The following KDSR variants were observed in gnomAD, a reference collection of about 807,000 sequenced individuals.
KDSR encodes the protein 3-dehydrosphinganine reductase.
A neutral mutation model predicts 41.3 loss-of-function variants in KDSR; 23 were observed. The ratio of observed to expected loss-of-function variants is 0.56; its 90% confidence interval spans 0.40 to 0.79. The LOEUF is 0.79. KDSR is among the 30% of genes least tolerant of loss of function. KDSR has a pLI of 0.00. For synonymous variants in KDSR, 138 were observed against 151.7 expected (o/e 0.91, Z 0.66); for missense variants, 351 against 416.8 (o/e 0.84, Z 1.37).
In KDSR at chr18:63,331,912, A is replaced by G; in HGVS notation, c.880-11T>C. On this transcript the variant is annotated splice_polypyrimidine_tract_variant and intron_variant, in intron 9 of 9. Coordinates refer to ENST00000645214, the MANE Select transcript of KDSR (RefSeq NM_002035.4). The stretch of plus-strand genomic sequence containing the variant: ...GCCCATGGTGACCACCTGCAAGATA[A>G]AGAGAGAGCTTTTAGTGCATCCAAC... 6.2e-7 allele frequency: 1 copy of G among 1,612,694 alleles called. No homozygotes were observed. The highest frequency in any genetic ancestry group is 1.1e-5 in the South Asian group (1 of 90,698).
At chr18:63,359,353 GATT>G (rs1299229408) in intron 3 of KDSR, among the ~76,000 whole-genome samples, 1 of 151,894 alleles carries the variant, frequency 6.6e-6, no homozygotes, top group Non-Finnish European at 1.5e-5. Context: ...ATGGGTGTGT[GATT>G]ATTAATTTGC....
chr18:63,342,119 A>G (rs1914356911), intron 7 of KDSR, among the ~76,000 whole-genome samples: 1 of 151,622 alleles, frequency 6.6e-6, no homozygotes, highest in Non-Finnish European at 1.5e-5. Flanking sequence ...CAGTGAGCCA[A>G]CATTGCACCA....
At position 63,331,318 on chromosome 18, in the gene KDSR, CAGAGAGACAG is replaced by C. The variant is rs755718507; in HGVS notation, c.*454_*463del. 348 of 212,318 alleles carry C rather than the reference CAGAGAGACAG, an allele frequency of 1.6e-3. No homozygotes were observed. Among genetic ancestry groups the C allele is most frequent in the Middle Eastern group, 4.2e-3 (3 of 710 alleles). The allele number at this position is 212,318 out of a possible 1,614,324, so 13.2% of individuals were successfully genotyped here. On this transcript the variant is annotated 3_prime_UTR_variant, in exon 10 of 10. Transcript: ENST00000645214. The stretch of plus-strand genomic sequence containing the variant: ...ACAGAGAGACAGAGAGACAGAGAGA[CAGAGAGACAG>C]AGAGAGAGAGAGAGAGAACCCGAGA...
At chr18:63,340,027 C>T (rs1423105656) in intron 7 of KDSR, among the ~76,000 whole-genome samples, 1 of 152,212 alleles carries the variant, frequency 6.6e-6, no homozygotes, top group Non-Finnish European at 1.5e-5. Context: ...TCCAGACCCC[C>T]AGGCTGGCAT....
intron 9 of KDSR, among the ~76,000 whole-genome samples, chr18:63,332,613 C>T (rs1469827119): frequency 1.3e-5 from 2 of 152,022 alleles, no homozygotes; most frequent in South Asian, 2.1e-4. Context: ...GGGTGGATCA[C>T]GAGGTCAGGA....
intron 1 of KDSR, among the ~76,000 whole-genome samples, chr18:63,363,610 C>T (rs1482571332): frequency 6.6e-6 from 1 of 151,620 alleles, no homozygotes; most frequent in East Asian, 1.9e-4. Context: ...TTTTCTTAAT[C>T]CAGTCTATCA....
chr18:63,361,346 C>G (rs1370134219), intron 2 of KDSR, among the ~76,000 whole-genome samples: 1 of 151,584 alleles, frequency 6.6e-6, no homozygotes, highest in Non-Finnish European at 1.5e-5. Flanking sequence ...TTCTCTGCCT[C>G]CACTTTTATT....
intron 8 of KDSR, among the ~76,000 whole-genome samples, chr18:63,337,092 C>CCATATATATATA (rs1491226334): frequency 7.0e-5 from 2 of 28,430 alleles, no homozygotes; most frequent in Non-Finnish European, 1.1e-4. Context: ...ATATATGTGA[C>CCATATATATATA]TTTATATATA....
rs1913887788 is a variant in KDSR at position 63,328,803 on chromosome 18, AATTTTTTAAT to A, written c.*2969_*2978del. The stretch of plus-strand genomic sequence containing the variant: ...TTGGGGATTTTTATGGCTCAATGTT[AATTTTTTAAT>A]ATACTTGCAAATACATTATAATAAA... On this transcript the variant is annotated 3_prime_UTR_variant, in exon 10 of 10. Transcript: ENST00000645214. 1 of 185,304 alleles carries A rather than the reference AATTTTTTAAT, an allele frequency of 5.4e-6. No homozygotes were observed. Among genetic ancestry groups the A allele is most frequent in the African/African-American group, 2.3e-5 (1 of 42,638 alleles). The allele number at this position is 185,304 out of a possible 1,614,324, so 11.5% of individuals were successfully genotyped here.
rs190486957 is a variant in KDSR, at chr18:63,359,369, T to A, written c.255+367A>T. Among the ~76,000 whole-genome samples the A allele has an allele frequency of 2.0e-5, 3 of 152,210 alleles. No homozygotes were observed. The East Asian group carries it at 5.8e-4, about 29-fold the overall frequency. ...TGGGTGTGTGATTATTAATTTGCTA[T>A]TATGTTTTATACTGAAATATAAATA... On this transcript the variant is annotated intron_variant, in intron 3 of 9. Transcript: ENST00000645214.
In KDSR at chr18:63,331,358, G is replaced by A. The variant is rs1408025497; in HGVS notation, c.*424C>T. 3.0e-5 allele frequency: 7 copies of A among 232,788 alleles called. No homozygotes were observed. The highest frequency in any genetic ancestry group is 1.3e-4 in the African/African-American group (6 of 45,204). 14.4% of individuals were successfully genotyped at this position (232,788 alleles called of 1,614,324 possible). A position where few individuals can be genotyped will look rare whatever the true frequency, so the allele number is the denominator to read the frequency against. On this transcript the variant is annotated 3_prime_UTR_variant, in exon 10 of 10. Transcript: ENST00000645214. The stretch of plus-strand genomic sequence containing the variant: ...AGAGAGAGAGAGAACCCGAGAAACC[G>A]AAAATTGTTTTTTTATGGAAGGTTT...
At chr18:63,342,763 C>T (rs1914379042) in intron 7 of KDSR, among the ~76,000 whole-genome samples, 1 of 152,112 alleles carries the variant, frequency 6.6e-6, no homozygotes, top group Non-Finnish European at 1.5e-5. Flanking sequence ...GTGGCGCAAT[C>T]TTGGCTCACT....
intron 6 of KDSR, chr18:63,345,962 AAAC>A (rs1221620273): frequency 6.6e-6 from 1 of 151,866 alleles, no homozygotes; most frequent in African/African-American, 2.4e-5. Context: ...AACAACAAAA[AAAC>A]AACAAAAAAA....
chr18:63,338,923 G>T, intron 7 of KDSR, 40 bp from the exon 8 acceptor site: 1 of 1,115,594 alleles, frequency 9.0e-7, no homozygotes, highest in Non-Finnish European at 1.3e-6. Flanking sequence ...TATCATGATT[G>T]CCCATTACAT....
At chr18:63,344,789 C>T (rs559655166) in intron 6 of KDSR, 26 of 278,892 alleles carry the variant, frequency 9.3e-5, no homozygotes, top group Middle Eastern at 1.1e-3. Context: ...CCCTGGGAGC[C>T]GTCCGACGAG....
At chr18:63,356,627 GT>G (rs1206093512) in intron 3 of KDSR, among the ~76,000 whole-genome samples, 2 of 152,154 alleles carry the variant, frequency 1.3e-5, no homozygotes. Flanking sequence ...CTTCCTTGAT[GT>G]GAAAGGTAAG....
At chr18:63,339,547 C>A (rs538483113) in intron 7 of KDSR, among the ~76,000 whole-genome samples, 26 of 152,348 alleles carry the variant, frequency 1.7e-4, no homozygotes, top group Non-Finnish European at 2.9e-4. Context: ...TTAGCCTTTT[C>A]TTCCTCAAAA....
intron 3 of KDSR, among the ~76,000 whole-genome samples, chr18:63,359,133 C>A (rs1370246959): frequency 2.2e-5 from 3 of 138,344 alleles, no homozygotes; most frequent in Non-Finnish European, 1.5e-5. Flanking sequence ...GAGCTGAGAT[C>A]GCACCCCTGC....
chr18:63,346,517 A>G (rs1200549914), intron 6 of KDSR: 1 of 152,238 alleles, frequency 6.6e-6, no homozygotes, highest in African/African-American at 2.4e-5. Context: ...CTCCAAAGCT[A>G]ATGGAAGACA....
Sources: gnomAD v4.1 joint callset for allele counts (sites outside exome capture counted in the v4.1 genomes callset) on GRCh38, gnomAD v4.1.1 for gene constraint, MANE v1.5 for transcripts, NCBI Gene and HGNC (gene_info 2026-07-23, HGNC 2026-07-21) for gene names.